The following MBD5 variants were observed in gnomAD, a reference collection of about 807,000 sequenced individuals.
The protein encoded by MBD5 is methyl-CpG-binding domain protein 5.
In MBD5, 13 loss-of-function variants were observed where a neutral mutation model predicts 117.3. That is an observed-to-expected ratio of 0.11 (90% CI 0.07 to 0.18). The LOEUF is 0.18. MBD5 is among the 10% of genes least tolerant of loss of function. The pLI, the probability that MBD5 is intolerant of heterozygous loss-of-function variation, is 1.00. For synonymous variants in MBD5, 727 were observed against 766.4 expected, an observed-to-expected ratio of 0.95 and a Z score of 0.85; for missense variants, 1,879 against 2,093.8, an observed-to-expected ratio of 0.90 and a Z score of 2.00.
chr2:148,243,305 A>C (rs917007794), intron 3 of MBD5, among the ~76,000 whole-genome samples: 1 of 145,970 alleles, frequency 6.9e-6, no homozygotes, highest in Non-Finnish European at 1.5e-5. Flanking sequence ...TAATCATAAT[A>C]GTAGCTCTGA....
At chr2:148,121,034 T>C (rs985815985) in intron 1 of MBD5, among the ~76,000 whole-genome samples, 1 of 152,200 alleles carries the variant, frequency 6.6e-6, no homozygotes, top group Middle Eastern at 3.2e-3. Flanking sequence ...TATTTTAGAA[T>C]CCAGATCAGA....
At chr2:148,280,131 CAA>C (rs3076398) in intron 3 of MBD5, among the ~76,000 whole-genome samples, 1,800 of 91,864 alleles carry the variant, frequency 0.02, 33 homozygotes, top group African/African-American at 0.069. Flanking sequence ...AAACTAACTG[CAA>C]AAAAAAAAAA....
chr2:148,346,489 C>T (rs1029250238), intron 4 of MBD5: 3 of 151,986 alleles, frequency 2.0e-5, no homozygotes, highest in Middle Eastern at 3.2e-3. Context: ...ATAGTTTTGT[C>T]AACATTTGAC....
chr2:148,107,019 T>C (rs1355840617), intron 1 of MBD5, among the ~76,000 whole-genome samples: 1 of 151,782 alleles, frequency 6.6e-6, no homozygotes, highest in Non-Finnish European at 1.5e-5. Context: ...GATATCAACT[T>C]ATCCTACTTA....
intron 1 of MBD5, among the ~76,000 whole-genome samples, chr2:148,122,318 C>T (rs1696788512): frequency 6.6e-6 from 1 of 151,968 alleles, no homozygotes; most frequent in Non-Finnish European, 1.5e-5. Flanking sequence ...AGAAACAATA[C>T]CTGATTATAG....
At chr2:148,360,083 A>T (rs1269560258) in intron 4 of MBD5, among the ~76,000 whole-genome samples, 1 of 152,170 alleles carries the variant, frequency 6.6e-6, no homozygotes, top group Admixed American at 6.5e-5. Flanking sequence ...CAGGTTTCAA[A>T]TATCTGTAAC....
chr2:148,431,422 G>A (rs1028111525), intron 4 of MBD5, among the ~76,000 whole-genome samples: 1 of 152,060 alleles, frequency 6.6e-6, no homozygotes, highest in African/African-American at 2.4e-5. Context: ...TGGTGTACAC[G>A]TGCAGGTTTG....
At chr2:148,457,083 A>T (rs1277300074) in intron 4 of MBD5, among the ~76,000 whole-genome samples, 1 of 152,184 alleles carries the variant, frequency 6.6e-6, no homozygotes, top group East Asian at 1.9e-4. Flanking sequence ...CTAAAATAAT[A>T]CATTAGCTTC....
intron 3 of MBD5, among the ~76,000 whole-genome samples, chr2:148,326,398 T>C (rs1201338516): frequency 6.6e-6 from 1 of 152,188 alleles, no homozygotes; most frequent in Non-Finnish European, 1.5e-5. Context: ...CCTTGTTGAC[T>C]TTCTGTCTCG....
At chr2:148,179,959 A>G (rs184088633) in intron 2 of MBD5, among the ~76,000 whole-genome samples, 2 of 152,214 alleles carry the variant, frequency 1.3e-5, no homozygotes, top group African/African-American at 2.4e-5. Flanking sequence ...TTTTCCTTTG[A>G]AAAAAAGTTT....
intron 1 of MBD5, among the ~76,000 whole-genome samples, chr2:148,138,580 T>C (rs537018665): frequency 2.6e-5 from 4 of 152,338 alleles, no homozygotes; most frequent in East Asian, 1.9e-4. Context: ...GGAATCATTA[T>C]AGAACACAAA....
chr2:148,461,047 C>T lies in MBD5; in HGVS notation c.114-1535C>T, dbSNP rs150975745. On this transcript the variant is annotated intron_variant, in intron 5 of 13. Transcript: ENST00000642680. ...TCTTGGGTTCAAACATTTCTCATGC[C>T]TCAGCCTCCCGAGTAGCTGGAATTA... is the stretch of plus-strand genomic sequence containing the variant. Among the ~76,000 whole-genome samples the T allele has an allele frequency of 6.3e-3, 954 of 152,276 alleles. 8 individuals carry two copies. The highest frequency in any genetic ancestry group is 0.021 in the African/African-American group (877 of 41,552).
chr2:148,291,305 T>A (rs1267171383), intron 3 of MBD5, among the ~76,000 whole-genome samples: 1 of 152,220 alleles, frequency 6.6e-6, no homozygotes, highest in Non-Finnish European at 1.5e-5. Context: ...TTTATCATCT[T>A]AACAATAGTA....
intron 1 of MBD5, among the ~76,000 whole-genome samples, chr2:148,153,290 G>A (rs963905267): frequency 2.0e-5 from 3 of 151,872 alleles, no homozygotes; most frequent in Non-Finnish European, 2.9e-5. Flanking sequence ...TGGCTTGTAG[G>A]GTTTCTGCTG....
At chr2:148,281,486 A>T (rs1701243398) in intron 3 of MBD5, among the ~76,000 whole-genome samples, 1 of 151,286 alleles carries the variant, frequency 6.6e-6, no homozygotes, top group Non-Finnish European at 1.5e-5. Context: ...TTCTTTTTTA[A>T]GATATTTCTT....
chr2:148,479,720 G>GTTTT (rs34758495), intron 8 of MBD5, among the ~76,000 whole-genome samples: 14 of 142,348 alleles, frequency 9.8e-5, no homozygotes, highest in Middle Eastern at 3.6e-3. Context: ...TGTCTTTGTT[G>GTTTT]TTTTTTTTTT....
chr2:148,099,308 TC>T (rs1454255390), intron 1 of MBD5, among the ~76,000 whole-genome samples: 1 of 152,160 alleles, frequency 6.6e-6, no homozygotes, highest in Non-Finnish European at 1.5e-5. Flanking sequence ...TTATTTTATC[TC>T]CAAAAAGAAA....
At chr2:148,038,784 T>G (rs938790571) in intron 1 of MBD5, among the ~76,000 whole-genome samples, 3 of 152,072 alleles carry the variant, frequency 2.0e-5, no homozygotes, top group African/African-American at 7.2e-5. Context: ...ATTGTATTTT[T>G]TTAATTTGGT....
At position 148,445,794 on chromosome 2, in the gene MBD5, A is replaced by G. The variant is rs541665127; in HGVS notation, c.-556-12409A>G. 2.0e-4 allele frequency among the ~76,000 whole-genome samples: 30 copies of G among 151,270 alleles called. 1 individual carries two copies. Among genetic ancestry groups the G allele is most frequent in the African/African-American group, 7.1e-4 (29 of 40,680 alleles). ...CCTATTTCTCCACATCCTCTCCAGC[A>G]CCTGTTGTTTTCTGACTTTAATGGT... On this transcript the variant is annotated intron_variant, in intron 4 of 13. Transcript: ENST00000642680.
Sources: allele counts gnomAD v4.1 joint callset (sites outside exome capture counted in the v4.1 genomes callset), GRCh38; gene constraint gnomAD v4.1.1; transcripts MANE v1.5; gene names NCBI Gene and HGNC (gene_info 2026-07-23, HGNC 2026-07-21).